The following IFNLR1 variants were observed in gnomAD, a reference collection of about 807,000 sequenced individuals.
IFNLR1 encodes interferon lambda receptor 1.
A neutral mutation model predicts 52.5 loss-of-function variants in IFNLR1; 28 were observed. The observed-to-expected ratio is 0.53, with a 90% CI of 0.40 to 0.73. The LOEUF (loss-of-function observed/expected upper bound fraction) is 0.73. Ranked by LOEUF, IFNLR1 falls within the 30% of genes least tolerant of loss-of-function variation. The pLI is 0.00. For missense variants in IFNLR1, 623 were observed against 659.1 expected, an observed-to-expected ratio of 0.95 and a Z score of 0.60; for synonymous variants, 276 against 274.9, an observed-to-expected ratio of 1.00 and a Z score of -0.04.
At chr1:24,176,845 C>G (rs180861316) in intron 2 of IFNLR1, among the ~76,000 whole-genome samples, 6 of 152,284 alleles carry the variant, frequency 3.9e-5, no homozygotes, top group Admixed American at 2.0e-4. Context: ...CTCTTGGGCT[C>G]AAGCGATCCT....
At chr1:24,183,134 A>G (rs571721709) in intron 1 of IFNLR1, among the ~76,000 whole-genome samples, 2 of 152,266 alleles carry the variant, frequency 1.3e-5, no homozygotes, top group South Asian at 4.2e-4. Context: ...CACTGTCATA[A>G]TCAGTTATAC....
At chr1:24,162,703 TTTC>T (rs1286440908) in intron 3 of IFNLR1, among the ~76,000 whole-genome samples, 1 of 22,094 alleles carries the variant, frequency 4.5e-5, no homozygotes, top group East Asian at 1.2e-3. Context: ...TCACTTTTCT[TTTC>T]TTTTCTTTCT....
At chr1:24,166,311 C>T (rs1644519145) in intron 3 of IFNLR1, among the ~76,000 whole-genome samples, 1 of 151,784 alleles carries the variant, frequency 6.6e-6, no homozygotes, top group Non-Finnish European at 1.5e-5. Context: ...TACTTCTCAC[C>T]TTTTATCTAG....
chr1:24,184,201 C>T (rs1644716167), intron 1 of IFNLR1, among the ~76,000 whole-genome samples: 1 of 152,208 alleles, frequency 6.6e-6, no homozygotes, highest in Admixed American at 6.5e-5. Flanking sequence ...GCTGTTCCCT[C>T]TGCCTTAACA....
At chr1:24,163,683 G>A (rs1180021000) in intron 3 of IFNLR1, among the ~76,000 whole-genome samples, 1 of 151,734 alleles carries the variant, frequency 6.6e-6, no homozygotes, top group Non-Finnish European at 1.5e-5. Context: ...GGGTTCAAGC[G>A]ATTCTACTGC....
chr1:24,161,480 A>G (rs1644442147), intron 4 of IFNLR1, 62 bp downstream of exon 4: 1 of 1,544,874 alleles, frequency 6.5e-7, no homozygotes, highest in Non-Finnish European at 8.8e-7. Context: ...GGGTGAGAAG[A>G]ACCTGAGTAA....
chr1:24,180,669 C>T, intron 2 of IFNLR1, 62 bp downstream of exon 2: 2 of 1,256,248 alleles, frequency 1.6e-6, no homozygotes, highest in Non-Finnish European at 2.3e-6. Context: ...CCAGAGAAGC[C>T]CCTCCAGCCC....
chr1:24,156,909 C>T lies in IFNLR1; in HGVS notation c.*221G>A. ...CTCTGACCTCAGCCCACCCTGTGTC[C>T]ACCCCTCTTATAGCTCAGCCTAAAG... On this transcript the variant is annotated 3_prime_UTR_variant, in exon 7 of 7. Transcript: ENST00000327535. 1 of 580,400 alleles carries T rather than the reference C, an allele frequency of 1.7e-6. No homozygotes were observed. Among genetic ancestry groups the T allele is most frequent in the South Asian group, 2.2e-5 (1 of 45,294 alleles). 36.0% of individuals were successfully genotyped at this position (580,400 alleles called of 1,614,324 possible).
chr1:24,182,945 A>ATAAATAAG lies in IFNLR1; in HGVS notation c.59-2092_59-2091insCTTATTTA, dbSNP rs943157838. On this transcript the variant is annotated intron_variant, in intron 1 of 6. Transcript: ENST00000327535. ...AATAAATAAATAAATAAATAAATAA[A>ATAAATAAG]TAAGTAAACACAACATCTGTCATAT... is the stretch of plus-strand genomic sequence containing the variant. 1.2e-4 allele frequency among the ~76,000 whole-genome samples: 18 copies of ATAAATAAG among 148,710 alleles called. 3 individuals are homozygous for ATAAATAAG. The highest frequency in any genetic ancestry group is 8.3e-4 in the South Asian group (4 of 4,796).
intron 4 of IFNLR1, among the ~76,000 whole-genome samples, chr1:24,160,136 G>A (rs1370639751): frequency 3.9e-5 from 6 of 152,150 alleles, no homozygotes; most frequent in African/African-American, 7.2e-5. Context: ...ACTTGGGGTC[G>A]CCCTGGCGTG....
chr1:24,159,770 G>A, intron 4 of IFNLR1, 137 bp from the exon 5 acceptor site: 3 of 642,724 alleles, frequency 4.7e-6, no homozygotes. Context: ...AGGGGATAGG[G>A]TTTGGTTCTG....
rs779241760 is a variant in IFNLR1 at position 24,159,085 on chromosome 1, G to A, written c.768C>T (p.Pro256=). 16 of 1,614,118 alleles carry A rather than the reference G, an allele frequency of 9.9e-6. No homozygotes were observed. The Admixed American group carries it at 1.2e-4, about 12-fold the overall frequency. ...GTGGCATCTTTGCCCGCTGAAACCA[G>A]GGGTTCCCCATGAGGGTCTTCCAGA... ...GVIWKTLMGN[P]WFQRAKMPRA... The change falls in exon 6 of 7, where the codon CCC becomes CCT. Residue 256 remains proline (P), a synonymous_variant. Transcript: ENST00000327535.
chr1:24,160,022 C>T lies in IFNLR1; in HGVS notation c.511-389G>A, dbSNP rs146666042. Among the ~76,000 whole-genome samples the T allele has an allele frequency of 9.2e-3, 1,394 of 152,262 alleles. 24 individuals carry two copies. Among genetic ancestry groups the T allele is most frequent in the African/African-American group, 0.031 (1,294 of 41,538 alleles). On this transcript the variant is annotated intron_variant, in intron 4 of 6. Transcript: ENST00000327535. Reference sequence around the variant, plus strand: ...CTTGCCTGAACTTTCTATTCTTTTCCTGCATTAAAGTTTAAGCATTGAGGA... The same window carrying T: ...CTTGCCTGAACTTTCTATTCTTTTCTTGCATTAAAGTTTAAGCATTGAGGA...
chr1:24,164,930 T>G (rs577862876), intron 3 of IFNLR1, among the ~76,000 whole-genome samples: 1 of 152,128 alleles, frequency 6.6e-6, no homozygotes, highest in South Asian at 2.1e-4. Context: ...ACCCAGCTAA[T>G]TTTTGTATTT....
chr1:24,163,825 T>A (rs1036727318), intron 3 of IFNLR1, among the ~76,000 whole-genome samples: 5 of 152,116 alleles, frequency 3.3e-5, no homozygotes, highest in African/African-American at 9.7e-5. Flanking sequence ...GTGATCTGCC[T>A]GCCTCGGCCT....
chr1:24,170,524 C>T (rs1208098822), intron 2 of IFNLR1, among the ~76,000 whole-genome samples: 2 of 152,138 alleles, frequency 1.3e-5, no homozygotes, highest in Admixed American at 1.3e-4. Context: ...CCACACCTGG[C>T]TAATTTTGTA....
intron 2 of IFNLR1, among the ~76,000 whole-genome samples, chr1:24,178,041 T>C (rs1220439721): frequency 6.6e-6 from 1 of 152,126 alleles, no homozygotes; most frequent in African/African-American, 2.4e-5. Flanking sequence ...TCCCAGCATT[T>C]TGGGAGGCCG....
In IFNLR1 at chr1:24,180,787, T is replaced by C. The variant is rs1333335219; in HGVS notation, c.126A>G (p.Thr42=). 2 of 1,601,898 alleles carry C rather than the reference T, an allele frequency of 1.2e-6. No homozygotes were observed. Among genetic ancestry groups the C allele is most frequent in the African/African-American group, 2.7e-5 (2 of 74,150 alleles). ...LLSQNFSVYL[T]WLPGLGNPQD... is the part of the protein sequence containing the mutation. ...GGGGGTTGCCAAGCCCTGGGAGCCATGTCAGGTACACGCTGAAGTTCTGGG... is the reference window on the plus strand; with the variant it reads ...GGGGGTTGCCAAGCCCTGGGAGCCACGTCAGGTACACGCTGAAGTTCTGGG... The change falls in exon 2 of 7, where the codon ACA becomes ACG. Residue 42 remains threonine, a synonymous_variant. Coordinates refer to ENST00000327535, the MANE Select transcript of IFNLR1 (RefSeq NM_170743.4).
chr1:24,165,592 C>A (rs758429527), intron 3 of IFNLR1, among the ~76,000 whole-genome samples: 10 of 152,162 alleles, frequency 6.6e-5, no homozygotes, highest in Non-Finnish European at 1.5e-4. Flanking sequence ...AATATGGCAG[C>A]CAGAGAAAAC....
Sources: allele counts gnomAD v4.1 joint callset (sites outside exome capture counted in the v4.1 genomes callset), GRCh38; gene constraint gnomAD v4.1.1; transcripts MANE v1.5; gene names NCBI Gene and HGNC (gene_info 2026-07-23, HGNC 2026-07-21).